NDST3: variants seen among roughly 807,000 people sequenced by gnomAD.
The protein encoded by NDST3 is bifunctional heparan sulfate N-deacetylase/N-sulfotransferase 3.
NDST3 carries 58 observed loss-of-function variants against 96.1 expected under a neutral mutation model. The ratio of observed to expected loss-of-function variants is 0.60; its 90% CI spans 0.49 to 0.75. NDST3 has a LOEUF of 0.75. NDST3 is among the 30% of genes least tolerant of loss of function. The pLI is 0.00. For missense variants in NDST3, 788 were observed against 1,034.2 expected, an observed-to-expected ratio of 0.76 and a Z score of 3.27; for synonymous variants, 333 against 359.7, an observed-to-expected ratio of 0.93 and a Z score of 0.84.
Position 118,224,517 on chromosome 4 carries a change from C to T in NDST3, c.1566C>T (p.Ser522=), listed in dbSNP as rs368360528. The T allele has an allele frequency of 2.2e-5, 35 of 1,605,558 alleles. No homozygotes were observed. The highest frequency in any genetic ancestry group is 3.0e-5 in the Non-Finnish European group (35 of 1,176,214). ...NPISIFMTHL[S]NYGNDRLGLY... is the part of the protein sequence containing the mutation. Reference sequence around the variant, plus strand: ...TCAGCATTTTCATGACCCATTTGTCCAACTATGGGAATGACCGACTGGGAT... The same window carrying T: ...TCAGCATTTTCATGACCCATTTGTCTAACTATGGGAATGACCGACTGGGAT... The change falls in exon 7 of 14, where the codon TCC becomes TCT. Residue 522 remains serine (S), a synonymous_variant. Coordinates refer to ENST00000296499, the MANE Select transcript of NDST3 (RefSeq NM_004784.3).
At chr4:118,034,396 TCA>T (rs1308429442), upstream of NDST3, 1 of 152,166 alleles carries the variant, frequency 6.6e-6, no homozygotes, top group Non-Finnish European at 1.5e-5. Flanking sequence ...CTCTAGTGCC[TCA>T]CCAGCTTGGT....
At chr4:118,134,340 G>A (rs1732895254) in intron 4 of NDST3, among the ~76,000 whole-genome samples, 1 of 152,192 alleles carries the variant, frequency 6.6e-6, no homozygotes. Flanking sequence ...AGTGGAAAGG[G>A]AAATCAGGGA....
At chr4:118,185,966 T>C (rs1736926394) in intron 6 of NDST3, among the ~76,000 whole-genome samples, 1 of 152,184 alleles carries the variant, frequency 6.6e-6, no homozygotes, top group Admixed American at 6.5e-5. Flanking sequence ...GATGTCACTA[T>C]TACCATCATA....
chr4:118,053,757 C>T lies in NDST3; in HGVS notation c.-154C>T. 1.4e-6 allele frequency: 1 copy of T among 728,556 alleles called. No individual in the cohort carries two copies. Among genetic ancestry groups the T allele is most frequent in the Non-Finnish European group, 2.1e-6 (1 of 472,308 alleles). The allele number at this position is 728,556 out of a possible 1,614,324, so 45.1% of individuals were successfully genotyped here. A position where few individuals can be genotyped will look rare whatever the true frequency, so the allele number is the denominator to read the frequency against. ...TTTATATTCTTTTCTATTTTTCAGACTGTATTTTCTGTGAGTCCTGATCAA... is the reference window on the plus strand; with the variant it reads ...TTTATATTCTTTTCTATTTTTCAGATTGTATTTTCTGTGAGTCCTGATCAA... On this transcript the variant is annotated splice_region_variant and 5_prime_UTR_variant, in exon 2 of 14. Transcript: ENST00000296499.
In NDST3 at chr4:118,054,205, C is replaced by G; in HGVS notation, c.295C>G (p.Leu99Val). ...SSLGQDIIMI[L>V]ESSRFQYHIE... ...TCTTGGTCAAGACATCATTATGATT[C>G]TAGAATCAAGTAGATTCCAGTATCA... The change falls in exon 2 of 14, where the codon CTA (leucine) becomes GTA (valine). Residue 99 changes from leucine to valine, a missense_variant. This residue lies in a region of NDST3 where 234 missense variants were observed against 256.9 expected (regional missense o/e 0.91). Coordinates refer to ENST00000296499, the MANE Select transcript of NDST3 (RefSeq NM_004784.3). 2 of 1,612,934 alleles carry G rather than the reference C, an allele frequency of 1.2e-6. No homozygotes were observed. Among genetic ancestry groups the G allele is most frequent in the Non-Finnish European group, 1.7e-6 (2 of 1,179,366 alleles).
intron 1 of NDST3, among the ~76,000 whole-genome samples, chr4:118,040,564 C>T (rs958363724): frequency 2.0e-5 from 3 of 152,084 alleles, no homozygotes; most frequent in Admixed American, 6.6e-5. Context: ...CCTTAGTGTA[C>T]TTTCATTGGT....
At chr4:118,126,117 T>C (rs1254836541) in intron 4 of NDST3, among the ~76,000 whole-genome samples, 1 of 151,986 alleles carries the variant, frequency 6.6e-6, no homozygotes, top group Admixed American at 6.6e-5. Flanking sequence ...GGAAAACAAA[T>C]CATCATTAGA....
At chr4:118,119,291 T>C (rs1315164006) in intron 4 of NDST3, among the ~76,000 whole-genome samples, 2 of 152,204 alleles carry the variant, frequency 1.3e-5, no homozygotes, top group Non-Finnish European at 2.9e-5. Context: ...AGTATCAAAA[T>C]GTAATTTAAA....
intron 6 of NDST3, among the ~76,000 whole-genome samples, 200 bp from the exon 7 acceptor site, chr4:118,224,291 C>T (rs1285948573): frequency 6.6e-6 from 1 of 151,906 alleles, no homozygotes; most frequent in African/African-American, 2.4e-5. Context: ...AAAAAATGCT[C>T]AAGTCTTGCT....
At chr4:118,183,764 T>C (rs914652999) in intron 6 of NDST3, among the ~76,000 whole-genome samples, 10 of 152,328 alleles carry the variant, frequency 6.6e-5, no homozygotes, top group Admixed American at 1.3e-4. Context: ...GAAAACTCAG[T>C]CTAAAACATA....
rs936975409 is a variant in NDST3 at position 118,247,197 on chromosome 4, A to G, written c.2399+5048A>G. Among the ~76,000 whole-genome samples the G allele has an allele frequency of 3.6e-4, 18 of 50,364 alleles. No homozygotes were observed. In the East Asian group the frequency reaches 6.5e-3, roughly 18 times the overall value. 33.0% of individuals were successfully genotyped at this position (50,364 alleles called of 152,430 possible). A position where few individuals can be genotyped will look rare whatever the true frequency, so the allele number is the denominator to read the frequency against. ...CATGGCTTTGTTATATCCACACACC[A>G]GGGGGGTTTAAAAAAAAAAAAAAAG... On this transcript the variant is annotated intron_variant, in intron 12 of 13. Transcript: ENST00000296499.
intron 8 of NDST3, among the ~76,000 whole-genome samples, chr4:118,230,134 A>G (rs982466385): frequency 6.6e-6 from 1 of 152,206 alleles, no homozygotes; most frequent in Non-Finnish European, 1.5e-5. Flanking sequence ...ACTTCAAAAA[A>G]CATGCTTTTT....
intron 6 of NDST3, 25 bp from the exon 7 acceptor site, chr4:118,224,466 A>G: frequency 6.3e-7 from 1 of 1,582,056 alleles, no homozygotes; most frequent in Non-Finnish European, 8.6e-7. Flanking sequence ...TGTTATTTAC[A>G]CTGAAGTTCA....
At chr4:118,208,313 G>T (rs1276006552) in intron 6 of NDST3, among the ~76,000 whole-genome samples, 1 of 144,040 alleles carries the variant, frequency 6.9e-6, no homozygotes, top group African/African-American at 2.6e-5. Context: ...CCAGATGCCA[G>T]CAGCTTTGGC....
chr4:118,248,714 G>C (rs1217523053), intron 12 of NDST3, among the ~76,000 whole-genome samples: 3 of 152,208 alleles, frequency 2.0e-5, no homozygotes, highest in African/African-American at 7.2e-5. Context: ...TAAAAAGATA[G>C]TTTCCTTGCT....
chr4:118,093,220 A>T (rs577349008), intron 2 of NDST3, among the ~76,000 whole-genome samples: 1 of 151,742 alleles, frequency 6.6e-6, no homozygotes, highest in East Asian at 1.9e-4. Context: ...AGATTATATT[A>T]ATTTTTTATA....
chr4:118,075,206 C>T (rs1727418384), intron 2 of NDST3, among the ~76,000 whole-genome samples: 1 of 152,158 alleles, frequency 6.6e-6, no homozygotes, highest in African/African-American at 2.4e-5. Flanking sequence ...CCAGCTTCAT[C>T]CACGTCACTA....
chr4:118,046,694 A>C (rs377410772), intron 1 of NDST3, among the ~76,000 whole-genome samples: 1 of 152,082 alleles, frequency 6.6e-6, no homozygotes, highest in Non-Finnish European at 1.5e-5. Context: ...CCCCAATTCC[A>C]TCCAAGTGCC....
intron 2 of NDST3, among the ~76,000 whole-genome samples, chr4:118,099,178 C>T (rs753153856): frequency 6.6e-6 from 1 of 152,010 alleles, no homozygotes; most frequent in Non-Finnish European, 1.5e-5. Context: ...TTGTCCAAGC[C>T]TCGTATTATT....
Sources: allele counts gnomAD v4.1 joint callset (sites outside exome capture counted in the v4.1 genomes callset), GRCh38; gene constraint gnomAD v4.1.1; regional missense constraint gnomAD v4.1.1; transcripts MANE v1.5; gene names NCBI Gene and HGNC (gene_info 2026-07-23, HGNC 2026-07-21).